The following CLYBL variants were observed in gnomAD, a reference collection of about 807,000 sequenced individuals.
The protein encoded by CLYBL is citramalyl-CoA lyase, also known as citramalyl-CoA lyase, mitochondrial.
In CLYBL, 31 loss-of-function variants were observed where a neutral mutation model predicts 38.9. The observed-to-expected ratio is 0.80, with a 90% CI of 0.60 to 1.08. The LOEUF (loss-of-function observed/expected upper bound fraction) is 1.08, where lower values mean the gene tolerates loss of function less well. Among genes scored for constraint, CLYBL ranks in the 50% least tolerant of loss-of-function variants. CLYBL has a pLI of 0.00. For synonymous variants in CLYBL, 171 were observed against 158.6 expected, an observed-to-expected ratio of 1.08 and a Z score of -0.59; for missense variants, 434 against 411.6, an observed-to-expected ratio of 1.05 and a Z score of -0.47.
At chr13:99,804,057 T>G (rs9517889) in intron 2 of CLYBL, among the ~76,000 whole-genome samples, 2 of 151,620 alleles carry the variant, frequency 1.3e-5, no homozygotes, top group African/African-American at 4.9e-5. Flanking sequence ...GAAAAGGGAG[T>G]GGAATCGTTC....
At position 99,836,989 on chromosome 13, in the gene CLYBL, T is replaced by A. The variant is rs1014911938; in HGVS notation, c.250-21872T>A. On this transcript the variant is annotated intron_variant, in intron 2 of 8. Transcript: ENST00000339105. Reference sequence around the variant, plus strand: ...CACCAACATGGCACATGTATACATATGTAACAAACCTGCACGTTGTGCACA... The same window carrying A: ...CACCAACATGGCACATGTATACATAAGTAACAAACCTGCACGTTGTGCACA... 5.3e-5 allele frequency among the ~76,000 whole-genome samples: 8 copies of A among 152,144 alleles called. No homozygotes were observed. The East Asian group carries it at 1.2e-3, about 22-fold the overall frequency.
chr13:99,644,307 A>G (rs1197889532), intron 1 of CLYBL, among the ~76,000 whole-genome samples: 1 of 152,100 alleles, frequency 6.6e-6, no homozygotes, highest in African/African-American at 2.4e-5. Context: ...CTATAAATAC[A>G]CTTCTTCCTG....
intron 2 of CLYBL, among the ~76,000 whole-genome samples, chr13:99,819,440 A>G (rs1255930650): frequency 9.3e-6 from 1 of 107,154 alleles, no homozygotes; most frequent in African/African-American, 3.6e-5. Context: ...ATATATATAT[A>G]TATATATATA....
chr13:99,859,086 AG>A (rs1179632868), intron 3 of CLYBL, 37 bp downstream of exon 3: 1 of 1,558,306 alleles, frequency 6.4e-7, no homozygotes, highest in African/African-American at 1.4e-5. Flanking sequence ...ACTCAGGAGC[AG>A]CTAAGGAGGA....
chr13:99,898,821 G>A (rs2052610903), downstream of CLYBL, among the ~76,000 whole-genome samples: 1 of 152,176 alleles, frequency 6.6e-6, no homozygotes, highest in Non-Finnish European at 1.5e-5. Flanking sequence ...TCTGTTGCAC[G>A]GATTGGACTT....
intron 1 of CLYBL, among the ~76,000 whole-genome samples, chr13:99,768,718 G>A (rs7328196): frequency 0.31 from 46,500 of 151,128 alleles, 8,287 homozygotes; most frequent in Middle Eastern, 0.43. Context: ...TCACCATGTT[G>A]GCTAGGCTGG....
At chr13:99,896,102 G>A (rs1400279818), downstream of CLYBL, 2 of 150,906 alleles carry the variant, frequency 1.3e-5, no homozygotes, top group African/African-American at 2.4e-5. Context: ...CGGAGCCGGG[G>A]CCGAGGCCGG....
downstream of CLYBL, chr13:99,896,078 GC>G (rs2052573799): frequency 6.6e-6 from 1 of 150,862 alleles, no homozygotes; most frequent in Admixed American, 6.6e-5. Context: ...CGTCGCCCGC[GC>G]CCCCGGTGCG....
At chr13:99,817,691 G>A (rs1197590145) in intron 2 of CLYBL, among the ~76,000 whole-genome samples, 9 of 146,218 alleles carry the variant, frequency 6.2e-5, no homozygotes, top group East Asian at 2.0e-4. Context: ...AAAAAGAAAA[G>A]CACTGAGCTA....
chr13:99,654,998 T>C (rs1164622513), intron 1 of CLYBL, among the ~76,000 whole-genome samples: 2 of 151,908 alleles, frequency 1.3e-5, no homozygotes, highest in Non-Finnish European at 2.9e-5. Flanking sequence ...GTGGCTGATC[T>C]ATCAGAAGAA....
rs368502681 is a variant in CLYBL, at chr13:99,756,609, G to GTTGT, written c.63-16199_63-16196dup. ...AAACATTATGAGATTTGTTGTTGTT[G>GTTGT]TTGTTTGTTTGTTTGTTTGAGCTCA... On this transcript the variant is annotated intron_variant, in intron 1 of 8. Coordinates refer to ENST00000339105, the MANE Select transcript of CLYBL (RefSeq NM_206808.5). 7.3e-5 allele frequency among the ~76,000 whole-genome samples: 11 copies of GTTGT among 151,668 alleles called. 1 individual carries two copies. The highest frequency in any genetic ancestry group is 4.1e-4 in the South Asian group (2 of 4,822).
chr13:99,749,640 G>A (rs1358412238), intron 1 of CLYBL, among the ~76,000 whole-genome samples: 2 of 152,200 alleles, frequency 1.3e-5, no homozygotes, highest in Non-Finnish European at 2.9e-5. Flanking sequence ...GCACTTCATT[G>A]AGGTGTGATA....
chr13:99,864,027 T>G (rs1045800192), intron 4 of CLYBL, among the ~76,000 whole-genome samples: 1 of 152,202 alleles, frequency 6.6e-6, no homozygotes, highest in Non-Finnish European at 1.5e-5. Flanking sequence ...CATACATTCT[T>G]CCAGCCAGCC....
chr13:99,725,428 G>A (rs2048456643), intron 1 of CLYBL, among the ~76,000 whole-genome samples: 1 of 152,124 alleles, frequency 6.6e-6, no homozygotes. Context: ...GGCTGTTGTG[G>A]GAAAGTTGAA....
intron 1 of CLYBL, among the ~76,000 whole-genome samples, chr13:99,697,909 A>G (rs201117758): frequency 3.3e-5 from 5 of 152,086 alleles, no homozygotes; most frequent in Non-Finnish European, 7.4e-5. Context: ...CAGTCTCCCA[A>G]AGTGCTGGGA....
intron 2 of CLYBL, among the ~76,000 whole-genome samples, chr13:99,840,079 G>C (rs2051033403): frequency 6.6e-6 from 1 of 150,728 alleles, no homozygotes; most frequent in Non-Finnish European, 1.5e-5. Context: ...CCCACGCTGG[G>C]AACTCTGAGG....
Position 99,863,030 on chromosome 13 carries a change from C to G in CLYBL, c.478C>G (p.Leu160Val). The change falls in exon 4 of 9, where the codon CTT becomes GTT. Residue 160 changes from leucine (L) to valine (V), a missense_variant. Physicochemically the swap from Leu to Val is conservative, Grantham distance 32 (BLOSUM62 1). Coordinates refer to ENST00000339105, the MANE Select transcript of CLYBL (RefSeq NM_206808.5). ...KFSFHLKGRK[L>V]EQPMNLIPFV... Reference sequence around the variant, plus strand: ...TTCATTCCACTTAAAAGGCCGAAAACTTGAACAACCAATGAATTTAATCCC... The same window carrying G: ...TTCATTCCACTTAAAAGGCCGAAAAGTTGAACAACCAATGAATTTAATCCC... 2 of 1,611,372 alleles carry G rather than the reference C, an allele frequency of 1.2e-6. No individual in the cohort carries two copies. Among genetic ancestry groups the G allele is most frequent in the South Asian group, 2.2e-5 (2 of 90,674 alleles).
intron 1 of CLYBL, among the ~76,000 whole-genome samples, chr13:99,755,186 C>T (rs530527518): frequency 1.4e-4 from 21 of 152,302 alleles, no homozygotes; most frequent in African/African-American, 3.4e-4. Context: ...CGTGAGCCAC[C>T]GCGCCCGGCC....
chr13:99,780,420 A>T (rs566039017), intron 2 of CLYBL, among the ~76,000 whole-genome samples: 6 of 152,066 alleles, frequency 3.9e-5, no homozygotes, highest in Non-Finnish European at 7.4e-5. Context: ...TCGCTCTGTC[A>T]CCCAGGCTGG....
Sources: allele counts gnomAD v4.1 joint callset (sites outside exome capture counted in the v4.1 genomes callset), GRCh38; gene constraint gnomAD v4.1.1; transcripts MANE v1.5; gene names NCBI Gene and HGNC (gene_info 2026-07-23, HGNC 2026-07-21).